Variants in ARFGEF3 observed in about 807,000 individuals in gnomAD.
The protein encoded by ARFGEF3 is ARFGEF family member 3.
Under a neutral mutation model 221.7 loss-of-function variants are expected in ARFGEF3, and 96 were observed. That is an observed-to-expected ratio of 0.43 (90% confidence interval 0.37 to 0.51). The LOEUF is 0.51. Among genes scored for constraint, ARFGEF3 ranks in the 20% least tolerant of loss-of-function variants. The probability of loss-of-function intolerance (pLI) is 0.00; values close to 1 mark genes in which losing one functional copy is unlikely to be tolerated. For synonymous variants in ARFGEF3, 1,145 were observed against 1,126.8 expected (o/e 1.02, Z -0.32); for missense variants, 2,410 against 2,789.9 (o/e 0.86, Z 3.07).
intron 2 of ARFGEF3, among the ~76,000 whole-genome samples, chr6:138,186,925 T>C (rs1777199082): frequency 7.2e-6 from 1 of 138,656 alleles, no homozygotes; most frequent in Admixed American, 7.1e-5. Flanking sequence ...TTTTTTTTTT[T>C]TTTTTTTGAG....
chr6:138,261,185 A>G (rs1481898094), intron 10 of ARFGEF3, among the ~76,000 whole-genome samples: 1 of 152,206 alleles, frequency 6.6e-6, no homozygotes, highest in Admixed American at 6.5e-5. Flanking sequence ...ATAAGACAAA[A>G]AGAGTCCAGG....
chr6:138,334,732 C>T lies in ARFGEF3; in HGVS notation c.5886C>T (p.Ser1962=). Residue 1962 remains serine, a synonymous_variant, in exon 33 of 34, where the codon TCC becomes TCT. Coordinates refer to ENST00000251691, the MANE Select transcript of ARFGEF3 (RefSeq NM_020340.5). The surrounding 1 kb of genome is among the most constrained non-coding windows in gnomAD (Gnocchi z 5.1). ...TGGFSGKETP[S]EDDRSQSREH... is the part of the protein sequence containing the mutation. Reference sequence around the variant, plus strand: ...GCTTCTCTGGGAAAGAAACCCCTTCCGAGGATGACAGAAGCCAGTCCCGGG... The same window carrying T: ...GCTTCTCTGGGAAAGAAACCCCTTCTGAGGATGACAGAAGCCAGTCCCGGG... 5 of 1,609,250 alleles carry T rather than the reference C, an allele frequency of 3.1e-6. No homozygotes were observed. The highest frequency in any genetic ancestry group is 4.2e-6 in the Non-Finnish European group (5 of 1,176,732).
intron 24 of ARFGEF3, among the ~76,000 whole-genome samples, chr6:138,309,238 T>G (rs1015961615): frequency 1.2e-4 from 18 of 152,182 alleles, no homozygotes; most frequent in African/African-American, 4.3e-4. Flanking sequence ...TCTAAACCTT[T>G]TGGTTTAACT....
chr6:138,323,131 G>A (rs986371729), intron 29 of ARFGEF3, among the ~76,000 whole-genome samples: 3 of 152,208 alleles, frequency 2.0e-5, no homozygotes, highest in South Asian at 2.1e-4. Context: ...ACAAGTCTAC[G>A]TTTAATGATT....
At chr6:138,306,249 T>C (rs1247240628) in intron 22 of ARFGEF3, among the ~76,000 whole-genome samples, 1 of 152,100 alleles carries the variant, frequency 6.6e-6, no homozygotes, top group Admixed American at 6.5e-5. Flanking sequence ...TATGAGTAAA[T>C]TTAGCAAAAG....
chr6:138,243,869 T>A (rs1371668279), intron 7 of ARFGEF3, among the ~76,000 whole-genome samples: 1 of 152,190 alleles, frequency 6.6e-6, no homozygotes, highest in Non-Finnish European at 1.5e-5. Context: ...ATTGTTTCAG[T>A]CCCATGATGC....
Position 138,167,887 on chromosome 6 carries a change from C to A in ARFGEF3, c.86-2775C>A, listed in dbSNP as rs367925498. Among the ~76,000 whole-genome samples the A allele has an allele frequency of 4.6e-5, 7 of 152,278 alleles. No homozygotes were observed. The East Asian group carries it at 1.2e-3, about 25-fold the overall frequency. ...AAAGTCCTTGGTGTGTTCTGTCCAG[C>A]CGTACATGGCCTGGCTCCTACCTGC... is the stretch of plus-strand genomic sequence containing the variant. On this transcript the variant is annotated intron_variant, in intron 1 of 33. Coordinates refer to ENST00000251691, the MANE Select transcript of ARFGEF3 (RefSeq NM_020340.5).
At chr6:138,284,904 C>T (rs183644895) in intron 14 of ARFGEF3, among the ~76,000 whole-genome samples, 17 of 152,262 alleles carry the variant, frequency 1.1e-4, no homozygotes, top group Admixed American at 7.8e-4. Flanking sequence ...ATACCTGCAC[C>T]GTGTGTATTG....
At chr6:138,200,035 A>T (rs1777503860) in intron 2 of ARFGEF3, among the ~76,000 whole-genome samples, 1 of 152,158 alleles carries the variant, frequency 6.6e-6, no homozygotes, top group Admixed American at 6.6e-5. Flanking sequence ...CTTTTATTAC[A>T]TTAAGGTATG....
intron 22 of ARFGEF3, among the ~76,000 whole-genome samples, chr6:138,305,142 G>T (rs1298601764): frequency 6.6e-6 from 1 of 151,148 alleles, no homozygotes; most frequent in Non-Finnish European, 1.5e-5. Flanking sequence ...TATAAACTAA[G>T]GATGAAATAA....
In ARFGEF3 at chr6:138,334,529, G is replaced by T; in HGVS notation, c.5683G>T (p.Ala1895Ser). The T allele has an allele frequency of 6.2e-7, 1 of 1,613,148 alleles. No homozygotes were observed. Residue 1895 changes from alanine to serine, a missense_variant, in exon 33 of 34, where the codon GCA becomes TCA. Ala to Ser is a moderately conservative substitution (Grantham distance 99, BLOSUM62 1). This residue lies in a region of ARFGEF3 where 723 missense variants were observed against 991.9 expected (regional missense o/e 0.73). Transcript: ENST00000251691. This position sits in a 1 kb window ranked among gnomAD's most constrained non-coding sequence, Gnocchi z 5.1. ...PLLSVQPVSN[A>S]DWVWLVKRLH... is the part of the protein sequence containing the mutation. ...GCTCAGCGTCCAGCCTGTCAGCAAC[G>T]CAGATTGGGTGTGGCTGGTCAAGAG...
In ARFGEF3 at chr6:138,213,929, T is replaced by C. The variant is rs1777784181; in HGVS notation, c.351+3888T>C. Among the ~76,000 whole-genome samples, 3 of 152,176 alleles carry C rather than the reference T, an allele frequency of 2.0e-5. No individual in the cohort carries two copies. In the South Asian group the frequency reaches 6.2e-4, roughly 32 times the overall value. ...TTGATGGTAACCTGACTTTGATAGG[T>C]CACAAGTGAGGGCTCCATAATCATT... is the stretch of plus-strand genomic sequence containing the variant. On this transcript the variant is annotated intron_variant, in intron 4 of 33. Transcript: ENST00000251691.
intron 1 of ARFGEF3, among the ~76,000 whole-genome samples, chr6:138,167,746 G>A (rs1386171050): frequency 6.6e-6 from 1 of 152,130 alleles, no homozygotes; most frequent in Non-Finnish European, 1.5e-5. Context: ...CCTCTTAACT[G>A]CTCCTTCCTT....
At chr6:138,171,473 A>G (rs1776829662) in intron 2 of ARFGEF3, among the ~76,000 whole-genome samples, 1 of 152,166 alleles carries the variant, frequency 6.6e-6, no homozygotes, top group Admixed American at 6.5e-5. Flanking sequence ...ACATCATCTG[A>G]CTGGTTGTGA....
intron 1 of ARFGEF3, among the ~76,000 whole-genome samples, chr6:138,164,949 A>C (rs1450265390): frequency 6.6e-6 from 1 of 152,188 alleles, no homozygotes; most frequent in Non-Finnish European, 1.5e-5. Flanking sequence ...CCTCTCACGT[A>C]GACCCTCATG....
chr6:138,172,198 G>A (rs1776849152), intron 2 of ARFGEF3, among the ~76,000 whole-genome samples: 1 of 152,222 alleles, frequency 6.6e-6, no homozygotes, highest in South Asian at 2.1e-4. Flanking sequence ...CTAGCGGAGA[G>A]GTGGTGCAGC....
At position 138,254,701 on chromosome 6, in the gene ARFGEF3, G is replaced by A. The variant is rs189841042; in HGVS notation, c.770+717G>A. Among the ~76,000 whole-genome samples the A allele has an allele frequency of 3.3e-3, 505 of 152,282 alleles. 1 individual carries two copies. Among genetic ancestry groups the A allele is most frequent in the Non-Finnish European group, 5.2e-3 (352 of 68,026 alleles). On this transcript the variant is annotated intron_variant, in intron 9 of 33. Coordinates refer to ENST00000251691, the MANE Select transcript of ARFGEF3 (RefSeq NM_020340.5). ...GCCGAGATCGTGCCTGGGCAACAGA[G>A]CTAGACTCTGTCTCAAAAATATATA...
intron 11 of ARFGEF3, among the ~76,000 whole-genome samples, chr6:138,261,913 C>T (rs1289521112): frequency 6.6e-6 from 1 of 152,096 alleles, no homozygotes; most frequent in East Asian, 1.9e-4. Flanking sequence ...ATTTGCAATA[C>T]TGTAACTATA....
chr6:138,227,530 A>G (rs1044017985), intron 4 of ARFGEF3, among the ~76,000 whole-genome samples: 5 of 152,192 alleles, frequency 3.3e-5, no homozygotes, highest in Non-Finnish European at 5.9e-5. Flanking sequence ...CATTATTTTC[A>G]TATCGTAAAG....
Sources: gnomAD v4.1 joint callset for allele counts (sites outside exome capture counted in the v4.1 genomes callset) on GRCh38, gnomAD v4.1.1 for gene constraint, gnomAD v4.1.1 regional missense constraint, Gnocchi (gnomAD v3.1) non-coding constraint, MANE v1.5 for transcripts, NCBI Gene and HGNC (gene_info 2026-07-23, HGNC 2026-07-21) for gene names.